NPAS3: variants seen among roughly 807,000 people sequenced by gnomAD.
The protein encoded by NPAS3 is neuronal PAS domain protein 3.
A neutral mutation model predicts 73.1 loss-of-function variants in NPAS3; 14 were observed. The observed-to-expected ratio is 0.19, with a 90% CI of 0.13 to 0.30. NPAS3 has a LOEUF of 0.30. Among genes scored for constraint, NPAS3 ranks in the 10% least tolerant of loss-of-function variants. The pLI is 1.00. For missense variants in NPAS3, 1,096 were observed against 1,250.0 expected, an observed-to-expected ratio of 0.88 and a Z score of 1.86; for synonymous variants, 620 against 541.5, an observed-to-expected ratio of 1.14 and a Z score of -2.01.
At chr14:33,550,151 C>T (rs1364280647) in intron 4 of NPAS3, among the ~76,000 whole-genome samples, 1 of 152,046 alleles carries the variant, frequency 6.6e-6, no homozygotes, top group Non-Finnish European at 1.5e-5. Flanking sequence ...TCAATACAGC[C>T]AAGCACCACT....
At chr14:33,774,553 T>C (rs1459772387) in intron 8 of NPAS3, 23 bp downstream of exon 8, 2 of 1,593,410 alleles carry the variant, frequency 1.3e-6, no homozygotes, top group Non-Finnish European at 1.7e-6. Context: ...TGTTTTCATT[T>C]GCCCTGTTGC....
chr14:33,711,456 G>A (rs911722489), intron 6 of NPAS3, among the ~76,000 whole-genome samples: 1 of 152,098 alleles, frequency 6.6e-6, no homozygotes, highest in Non-Finnish European at 1.5e-5. Flanking sequence ...CAGAGAGACC[G>A]GGCCAAATAA....
chr14:33,777,661 G>A (rs1192383015), intron 8 of NPAS3, among the ~76,000 whole-genome samples: 1 of 152,124 alleles, frequency 6.6e-6, no homozygotes, highest in Non-Finnish European at 1.5e-5. Context: ...AATACAGAGG[G>A]TAACAAGCAT....
intron 2 of NPAS3, among the ~76,000 whole-genome samples, chr14:33,172,490 T>C (rs1213587560): frequency 6.6e-6 from 1 of 152,118 alleles, no homozygotes; most frequent in Non-Finnish European, 1.5e-5. Flanking sequence ...AATCTCAGCA[T>C]TTTGGGAGGC....
intron 5 of NPAS3, among the ~76,000 whole-genome samples, chr14:33,636,307 A>G (rs745641701): frequency 2.4e-4 from 36 of 152,246 alleles, no homozygotes; most frequent in Non-Finnish European, 5.0e-4. Context: ...GAATGAATCC[A>G]TTTATGAAAA....
intron 4 of NPAS3, among the ~76,000 whole-genome samples, chr14:33,548,328 A>G (rs895951048): frequency 6.6e-6 from 1 of 152,226 alleles, no homozygotes; most frequent in African/African-American, 2.4e-5. Context: ...CCATTTTTAA[A>G]TTATTTTTGT....
Position 32,978,726 on chromosome 14 carries a change from C to T in NPAS3, c.50+39360C>T, listed in dbSNP as rs1014614070. ...TAGTATTTCTGCATCTCAGTTTACT[C>T]CTTTCAGAAATGGAAATGATCATTG... On this transcript the variant is annotated intron_variant, in intron 1 of 11. Transcript: ENST00000356141. Among the ~76,000 whole-genome samples, 12 of 152,134 alleles carry T rather than the reference C, an allele frequency of 7.9e-5. 1 individual carries two copies. The highest frequency in any genetic ancestry group is 1.6e-4 in the Non-Finnish European group (11 of 68,038).
chr14:33,074,069 C>A (rs1429033984), intron 2 of NPAS3, among the ~76,000 whole-genome samples: 1 of 152,086 alleles, frequency 6.6e-6, no homozygotes. Flanking sequence ...ATGTGATTAC[C>A]TACATGCTTC....
chr14:33,165,852 T>G (rs777933471), intron 2 of NPAS3, among the ~76,000 whole-genome samples: 106 of 152,312 alleles, frequency 7.0e-4, no homozygotes, highest in African/African-American at 2.5e-3. Flanking sequence ...GAATCCATAT[T>G]CGGGGGCATG....
intron 4 of NPAS3, among the ~76,000 whole-genome samples, chr14:33,433,546 G>C (rs760095036): frequency 6.6e-6 from 1 of 152,316 alleles, no homozygotes; most frequent in East Asian, 1.9e-4. Context: ...TGGGCTGCTG[G>C]AATGTTCTCC....
rs78275542 is a variant in NPAS3, at chr14:33,270,804, G to C, written c.385+55378G>C. Among the ~76,000 whole-genome samples the C allele has an allele frequency of 2.6e-3, 391 of 152,270 alleles. 2 individuals are homozygous for C. The highest frequency in any genetic ancestry group is 8.4e-3 in the African/African-American group (348 of 41,544). ...GCCATCCTAGAATGGACGATGTCCT[G>C]TCTGCAGATATCTCAGGTCAGCCAG... On this transcript the variant is annotated intron_variant, in intron 3 of 11. Coordinates refer to ENST00000356141, the Ensembl canonical transcript of NPAS3.
intron 2 of NPAS3, among the ~76,000 whole-genome samples, chr14:33,144,261 A>G (rs1307799518): frequency 1.3e-5 from 2 of 152,174 alleles, no homozygotes; most frequent in Non-Finnish European, 2.9e-5. Context: ...ATCCTAATGG[A>G]TGTGAAGTGG....
intron 4 of NPAS3, among the ~76,000 whole-genome samples, chr14:33,391,471 G>A (rs968714351): frequency 6.6e-6 from 1 of 152,044 alleles, no homozygotes; most frequent in Non-Finnish European, 1.5e-5. Flanking sequence ...GGGATTACAG[G>A]CGTGAGCCAC....
rs544326707 is a variant in NPAS3, at chr14:33,067,110, G to T, written c.140+11116G>T. Among the ~76,000 whole-genome samples the T allele has an allele frequency of 7.9e-5, 12 of 152,280 alleles. No homozygotes were observed. In the South Asian group the frequency reaches 2.5e-3, roughly 32 times the overall value. On this transcript the variant is annotated intron_variant, in intron 2 of 11. Transcript: ENST00000356141. ...GGTGCAATCTGGTAACTAACTATTG[G>T]AGACCCTCTCCGGTCTGTGTGGCCC...
chr14:33,334,587 C>A (rs374554571), intron 3 of NPAS3, among the ~76,000 whole-genome samples: 1 of 152,246 alleles, frequency 6.6e-6, no homozygotes, highest in East Asian at 1.9e-4. Context: ...TCTTATTTAA[C>A]CAGGTTCCCC....
rs201382437 is a variant in NPAS3 at position 32,949,852 on chromosome 14, T to TA, written c.50+10493dup. 7.8e-4 allele frequency among the ~76,000 whole-genome samples: 118 copies of TA among 152,136 alleles called. No homozygotes were observed. The East Asian group carries it at 0.016, about 20-fold the overall frequency. On this transcript the variant is annotated intron_variant, in intron 1 of 11. Coordinates refer to ENST00000356141, the Ensembl canonical transcript of NPAS3. ...ATATCACTGTTTAAGGTATTCTTTT[T>TA]AAAAAAATTAGTTATGCTACATGTA...
At chr14:33,160,691 A>G (rs1280724502) in intron 2 of NPAS3, among the ~76,000 whole-genome samples, 1 of 150,264 alleles carries the variant, frequency 6.7e-6, no homozygotes, top group Non-Finnish European at 1.5e-5. Flanking sequence ...TCAAGTATAG[A>G]TTCTGGTTAT....
chr14:33,108,697 T>C (rs910087821), intron 2 of NPAS3, among the ~76,000 whole-genome samples: 2 of 152,166 alleles, frequency 1.3e-5, no homozygotes, highest in African/African-American at 2.4e-5. Context: ...ATGTGAAGTA[T>C]GTGTAATAGA....
chr14:33,087,249 A>C (rs2042069356), intron 2 of NPAS3, among the ~76,000 whole-genome samples: 1 of 144,276 alleles, frequency 6.9e-6, no homozygotes, highest in South Asian at 2.1e-4. Context: ...AATATTGTAC[A>C]ATATTGTACA....
Sources: allele counts gnomAD v4.1 joint callset (sites outside exome capture counted in the v4.1 genomes callset), GRCh38; gene constraint gnomAD v4.1.1; transcripts MANE v1.5; gene names NCBI Gene and HGNC (gene_info 2026-07-23, HGNC 2026-07-21).